Variants in LTN1 observed in about 807,000 individuals in gnomAD.
LTN1 encodes listerin E3 ubiquitin protein ligase 1.
A neutral mutation model predicts 201.2 loss-of-function variants in LTN1; 88 were observed. That is an observed-to-expected ratio of 0.44 (90% confidence interval 0.37 to 0.52). The LOEUF (loss-of-function observed/expected upper bound fraction) is 0.52. Among genes scored for constraint, LTN1 ranks in the 20% least tolerant of loss-of-function variants. LTN1 has a pLI of 0.00. For synonymous variants in LTN1, 645 were observed against 713.5 expected (o/e 0.90, Z 1.53); for missense variants, 1,752 against 2,038.7 (o/e 0.86, Z 2.71).
chr21:28,992,802 C>A lies in LTN1; in HGVS notation c.4G>T (p.Gly2Cys). Reference sequence around the variant, plus strand: ...TTAGTTCGCTGCTTGTTCTTCCCGCCCATGGTCGCGGTTGCAGCTGTACTC... The same window carrying A: ...TTAGTTCGCTGCTTGTTCTTCCCGCACATGGTCGCGGTTGCAGCTGTACTC... M[G>C]GKNKQRTKGN... is the part of the protein sequence containing the mutation. Residue 2 changes from glycine (G) to cysteine (C), a missense_variant, in exon 1 of 30, where the codon GGC becomes TGC. Transcript: ENST00000361371. 1 of 1,614,244 alleles carries A rather than the reference C, an allele frequency of 6.2e-7. No homozygotes were observed. The highest frequency in any genetic ancestry group is 1.1e-5 in the South Asian group (1 of 91,090).
chr21:28,959,828 C>T (rs2084460140), intron 12 of LTN1, 131 bp from the exon 13 acceptor site: 3 of 741,522 alleles, frequency 4.0e-6, no homozygotes, highest in Non-Finnish European at 6.3e-6. Context: ...ATTTTATCAA[C>T]AAATCAACAC....
chr21:28,946,914 T>C (rs1337701559), intron 19 of LTN1, among the ~76,000 whole-genome samples: 2 of 152,208 alleles, frequency 1.3e-5, no homozygotes, highest in Non-Finnish European at 2.9e-5. Context: ...CTATTTATCC[T>C]TCAACACCCA....
At chr21:28,960,228 A>T (rs919625989) in intron 12 of LTN1, among the ~76,000 whole-genome samples, 1 of 151,978 alleles carries the variant, frequency 6.6e-6, no homozygotes, top group Non-Finnish European at 1.5e-5. Flanking sequence ...TTAGCCAGGC[A>T]TGGTGGCATG....
intron 6 of LTN1, among the ~76,000 whole-genome samples, chr21:28,974,619 G>A (rs2084600875): frequency 6.6e-6 from 1 of 152,140 alleles, no homozygotes. Flanking sequence ...ACATCTTTCT[G>A]GCCAGAGGAA....
At chr21:28,957,803 A>C (rs2084438883) in intron 14 of LTN1, among the ~76,000 whole-genome samples, 1 of 152,188 alleles carries the variant, frequency 6.6e-6, no homozygotes, top group South Asian at 2.1e-4. Flanking sequence ...ATATCCTCTA[A>C]ATGCATTCTC....
Position 28,986,650 on chromosome 21 carries a change from C to T in LTN1, c.246+81G>A. 1 of 1,077,322 alleles carries T rather than the reference C, an allele frequency of 9.3e-7. No individual in the cohort carries two copies. The highest frequency in any genetic ancestry group is 1.4e-5 in the South Asian group (1 of 69,730). 66.7% of individuals were successfully genotyped at this position (1,077,322 alleles called of 1,614,324 possible). On this transcript the variant is annotated intron_variant, in intron 2 of 29. Coordinates refer to ENST00000361371, the MANE Select transcript of LTN1 (RefSeq NM_015565.3). This position sits in a 1 kb window ranked among gnomAD's most constrained non-coding sequence, Gnocchi z 4.1. The stretch of plus-strand genomic sequence containing the variant: ...ACTTAGCAATAAATTGTTCATTTTT[C>T]TTTACATAAAACATGCTAATGACAT...
At position 28,981,149 on chromosome 21, in the gene LTN1, A is replaced by G. The variant is rs2084655513; in HGVS notation, c.780T>C (p.Phe260=). 6.3e-7 allele frequency: 1 copy of G among 1,578,942 alleles called. No homozygotes were observed. Among genetic ancestry groups the G allele is most frequent in the Non-Finnish European group, 8.6e-7 (1 of 1,169,494 alleles). The change falls in exon 6 of 30, where the codon TTT becomes TTC. Residue 260 remains phenylalanine (F), a synonymous_variant. Transcript: ENST00000361371. ...KFKSLLSQNK[F]WKYGKHSVPQ... is the part of the protein sequence containing the mutation. ...GTACACTGTGTTTTCCATACTTCCAAAACTTATTCTGTGATAAAAGAGACT... is the reference window on the plus strand; with the variant it reads ...GTACACTGTGTTTTCCATACTTCCAGAACTTATTCTGTGATAAAAGAGACT...
intron 6 of LTN1, among the ~76,000 whole-genome samples, chr21:28,975,037 A>G (rs1417109997): frequency 1.3e-5 from 2 of 152,204 alleles, no homozygotes; most frequent in East Asian, 3.8e-4. Context: ...TCCAAAACAT[A>G]ACATTCACAA....
At chr21:28,931,125 A>G in intron 29 of LTN1, 30 bp downstream of exon 29, 1 of 1,468,800 alleles carries the variant, frequency 6.8e-7, no homozygotes, top group Non-Finnish European at 9.5e-7. Flanking sequence ...TACATAAAAT[A>G]TAAGTAAGTT....
At chr21:28,967,534 T>C (rs2084536553) in intron 9 of LTN1, 2 of 180,286 alleles carry the variant, frequency 1.1e-5, no homozygotes, top group African/African-American at 4.7e-5. Flanking sequence ...GCTGAACATG[T>C]GGAGGTTCCT....
At chr21:28,968,199 T>C (rs1299670803) in intron 9 of LTN1, among the ~76,000 whole-genome samples, 2 of 152,180 alleles carry the variant, frequency 1.3e-5, no homozygotes, top group Non-Finnish European at 2.9e-5. Context: ...TTATTCCTTT[T>C]TCATGATAAA....
chr21:28,959,820 T>G, intron 12 of LTN1, 123 bp from the exon 13 acceptor site: 1 of 837,916 alleles, frequency 1.2e-6, no homozygotes, highest in African/African-American at 1.7e-5. Flanking sequence ...TAGACAAAAT[T>G]TTATCAACAA....
chr21:28,943,377 CTG>C, intron 23 of LTN1, 41 bp from the exon 24 acceptor site: 1 of 1,222,164 alleles, frequency 8.2e-7, no homozygotes, highest in Non-Finnish European at 1.2e-6. Flanking sequence ...TGATATTAAA[CTG>C]TTTATTAAGT....
chr21:28,970,822 C>T (rs1037532541), intron 7 of LTN1, 80 bp from the exon 8 acceptor site: 10 of 1,091,884 alleles, frequency 9.2e-6, no homozygotes, highest in Non-Finnish European at 1.3e-5. Flanking sequence ...CATATAGGCT[C>T]TCAAAAAGAA....
At chr21:28,949,372 AAAATT>A (rs1312302028) in intron 18 of LTN1, among the ~76,000 whole-genome samples, 1 of 152,206 alleles carries the variant, frequency 6.6e-6, no homozygotes, top group Non-Finnish European at 1.5e-5. Flanking sequence ...AAATACACAT[AAAATT>A]AATGTATTAG....
At chr21:28,959,358 A>AACACATTATAATTCAC in intron 13 of LTN1, 100 bp downstream of exon 13, 1 of 1,415,266 alleles carries the variant, frequency 7.1e-7, no homozygotes, top group South Asian at 1.4e-5. Context: ...TAAACTTTCA[A>AACACATTATAATTCAC]ACACATTATA....
At chr21:28,975,551 T>C (rs1710742880) in intron 6 of LTN1, among the ~76,000 whole-genome samples, 1 of 152,178 alleles carries the variant, frequency 6.6e-6, no homozygotes, top group Non-Finnish European at 1.5e-5. Context: ...CTCTGCTTTG[T>C]AGAAGTAAAG....
intron 6 of LTN1, among the ~76,000 whole-genome samples, chr21:28,977,523 G>C (rs1162792103): frequency 6.6e-6 from 1 of 152,032 alleles, no homozygotes; most frequent in Non-Finnish European, 1.5e-5. Flanking sequence ...AGGAGTTTGA[G>C]ACCAGCCTGC....
intron 11 of LTN1, 104 bp from the exon 12 acceptor site, chr21:28,960,810 C>T (rs2084471619): frequency 2.8e-6 from 2 of 725,942 alleles, no homozygotes; most frequent in African/African-American, 3.6e-5. Context: ...ATCATGGCTC[C>T]AATTCTATCC....
Sources: gnomAD v4.1 joint callset for allele counts (sites outside exome capture counted in the v4.1 genomes callset) on GRCh38, gnomAD v4.1.1 for gene constraint, Gnocchi (gnomAD v3.1) non-coding constraint, MANE v1.5 for transcripts, NCBI Gene and HGNC (gene_info 2026-07-23, HGNC 2026-07-21) for gene names.